The following EFNB2 variants were observed in gnomAD, a reference collection of about 807,000 sequenced individuals.
EFNB2 encodes the protein ephrin B2.
A neutral mutation model predicts 32.1 loss-of-function variants in EFNB2; 5 were observed. The observed-to-expected ratio is 0.16, with a 90% CI of 0.08 to 0.33. The LOEUF is 0.33. Among genes scored for constraint, EFNB2 ranks in the 10% least tolerant of loss-of-function variants. EFNB2 has a pLI of 1.00. For missense variants in EFNB2, 263 were observed against 422.6 expected, an observed-to-expected ratio of 0.62 and a Z score of 3.31; for synonymous variants, 168 against 166.5, an observed-to-expected ratio of 1.01 and a Z score of -0.07.
intron 1 of EFNB2, among the ~76,000 whole-genome samples, chr13:106,515,500 T>C (rs10508175): frequency 0.012 from 1,895 of 152,294 alleles, 13 homozygotes; most frequent in Non-Finnish European, 0.015. Context: ...AAAGCATTAA[T>C]TCACCTTTCA....
In EFNB2 at chr13:106,491,126, C is replaced by T. The variant is rs1044879935; in HGVS notation, c.*1914G>A. 13 of 152,570 alleles carry T rather than the reference C, an allele frequency of 8.5e-5. No homozygotes were observed. The highest frequency in any genetic ancestry group is 3.1e-4 in the African/African-American group (13 of 41,426). 9.5% of individuals were successfully genotyped at this position (152,570 alleles called of 1,614,324 possible). A position where few individuals can be genotyped will look rare whatever the true frequency, so the allele number is the denominator to read the frequency against. ...CCACAGCTAAATCGTCACCTGAAGC[C>T]CCCAGTGTGACCTGCTGGATTCTAG... On this transcript the variant is annotated 3_prime_UTR_variant, in exon 5 of 5. Transcript: ENST00000646441.
At chr13:106,532,429 G>T (rs923254783) in intron 1 of EFNB2, among the ~76,000 whole-genome samples, 2 of 152,164 alleles carry the variant, frequency 1.3e-5, no homozygotes, top group African/African-American at 4.8e-5. Flanking sequence ...AAACTTCAAT[G>T]CATTTGATTA....
chr13:106,499,321 C>A (rs1168356634), intron 2 of EFNB2, among the ~76,000 whole-genome samples: 1 of 151,854 alleles, frequency 6.6e-6, no homozygotes, highest in East Asian at 1.9e-4. Context: ...TGGCAGCGAA[C>A]TCTGAAATAA....
At chr13:106,504,985 A>T (rs879897368) in intron 2 of EFNB2, among the ~76,000 whole-genome samples, 1 of 152,188 alleles carries the variant, frequency 6.6e-6, no homozygotes, top group Admixed American at 6.5e-5. Context: ...GAAAAAGAAA[A>T]TTCATAAGAG....
chr13:106,523,012 C>T (rs1471559592), intron 1 of EFNB2, among the ~76,000 whole-genome samples: 1 of 152,192 alleles, frequency 6.6e-6, no homozygotes, highest in African/African-American at 2.4e-5. Context: ...AGCCCAGTAA[C>T]ACAGTTTACA....
In EFNB2 at chr13:106,493,318, T is replaced by A; in HGVS notation, c.724A>T (p.Ile242Phe). The part of the protein sequence containing the change: ...ASGCIIFIVI[I>F]ITLVVLLLKY... ...AGCAAGAGGACCACCAGCGTGATGA[T>A]GATGACGATGAAGATGATGCATCCT... is the stretch of plus-strand genomic sequence containing the variant. The change falls in exon 5 of 5, where the codon ATC (isoleucine) becomes TTC (phenylalanine). Residue 242 changes from isoleucine to phenylalanine, a missense_variant. Ile to Phe is a conservative substitution (Grantham distance 21). This residue lies in a region of EFNB2 where 172 missense variants were observed against 237.1 expected (regional missense o/e 0.73). Coordinates refer to ENST00000646441, the MANE Select transcript of EFNB2 (RefSeq NM_004093.4). This position sits in a 1 kb window ranked among gnomAD's most constrained non-coding sequence, Gnocchi z 6.1. 1.2e-6 allele frequency: 2 copies of A among 1,614,156 alleles called. No individual in the cohort carries two copies. The highest frequency in any genetic ancestry group is 1.7e-6 in the Non-Finnish European group (2 of 1,180,040).
intron 2 of EFNB2, among the ~76,000 whole-genome samples, chr13:106,497,544 A>T (rs1175816406): frequency 1.3e-5 from 2 of 151,678 alleles, no homozygotes; most frequent in East Asian, 1.9e-4. Flanking sequence ...GGCTATTAAA[A>T]TTTTTTTTTA....
Position 106,495,732 on chromosome 13 carries a change from A to C in EFNB2, c.499+16T>G. The C allele has an allele frequency of 6.2e-7, 1 of 1,612,680 alleles. No individual in the cohort carries two copies. On this transcript the variant is annotated intron_variant, in intron 3 of 4. Transcript: ENST00000646441. ...CCAGGTCACAGTGGCGTCATGAAGC[A>C]GCAGATGGTCTTTACCTTGTCCAAC...
At position 106,490,810 on chromosome 13, in the gene EFNB2, C is replaced by T. The variant is rs1195528912; in HGVS notation, c.*2230G>A. 6.6e-6 allele frequency: 1 copy of T among 152,444 alleles called. No homozygotes were observed. The highest frequency in any genetic ancestry group is 1.5e-5 in the Non-Finnish European group (1 of 68,022). The allele number at this position is 152,444 out of a possible 1,614,324, so 9.4% of individuals were successfully genotyped here. A position where few individuals can be genotyped will look rare whatever the true frequency, so the allele number is the denominator to read the frequency against. On this transcript the variant is annotated 3_prime_UTR_variant, in exon 5 of 5. Transcript: ENST00000646441. ...TGTACACATGTATACCACGCACCCACTCACACATACACACACGCACTTTGG... is the reference window on the plus strand; with the variant it reads ...TGTACACATGTATACCACGCACCCATTCACACATACACACACGCACTTTGG...
chr13:106,517,467 G>A (rs1272391603), intron 1 of EFNB2: 1 of 152,058 alleles, frequency 6.6e-6, no homozygotes, highest in Non-Finnish European at 1.5e-5. Flanking sequence ...AGAGAACTGA[G>A]CCAGACCAGT....
chr13:106,510,282 C>T (rs1879096893), intron 2 of EFNB2: 2 of 152,180 alleles, frequency 1.3e-5, no homozygotes, highest in African/African-American at 4.8e-5. Flanking sequence ...ACAAATCTCT[C>T]ATGTATTAAT....
At chr13:106,522,837 T>A (rs1419412051) in intron 1 of EFNB2, among the ~76,000 whole-genome samples, 2 of 152,192 alleles carry the variant, frequency 1.3e-5, no homozygotes, top group African/African-American at 2.4e-5. Flanking sequence ...TCGTTTACCA[T>A]GGGACCCTCC....
chr13:106,510,718 A>T (rs1055475090), intron 2 of EFNB2, among the ~76,000 whole-genome samples: 1 of 152,230 alleles, frequency 6.6e-6, no homozygotes, highest in Non-Finnish European at 1.5e-5. Context: ...TCTTACTTTA[A>T]AAGTCTTTAC....
At chr13:106,527,526 A>G (rs1285176402) in intron 1 of EFNB2, among the ~76,000 whole-genome samples, 1 of 152,180 alleles carries the variant, frequency 6.6e-6, no homozygotes, top group African/African-American at 2.4e-5. Flanking sequence ...TTCCCTTGCT[A>G]TGTTTTCTTA....
chr13:106,501,011 A>G (rs1016761652), intron 2 of EFNB2, among the ~76,000 whole-genome samples: 3 of 152,364 alleles, frequency 2.0e-5, no homozygotes, highest in Non-Finnish European at 4.4e-5. Context: ...TTGAAAAATA[A>G]GAAGGCTGAT....
At position 106,490,613 on chromosome 13, in the gene EFNB2, A is replaced by G. The variant is rs1267600767; in HGVS notation, c.*2427T>C. ...CCTTCTCGCCCCTCTCCCCCATCCT[A>G]AAAGTAACTTCTGATGGCTTACAAG... On this transcript the variant is annotated 3_prime_UTR_variant, in exon 5 of 5. Coordinates refer to ENST00000646441, the MANE Select transcript of EFNB2 (RefSeq NM_004093.4). 6.6e-6 allele frequency: 1 copy of G among 152,030 alleles called. No homozygotes were observed. Among genetic ancestry groups the G allele is most frequent in the African/African-American group, 2.4e-5 (1 of 41,374 alleles). The allele number at this position is 152,030 out of a possible 1,614,324, so 9.4% of individuals were successfully genotyped here.
chr13:106,499,974 AAACCAC>A (rs2138905397), intron 2 of EFNB2, among the ~76,000 whole-genome samples: 1 of 152,332 alleles, frequency 6.6e-6, no homozygotes, highest in African/African-American at 2.4e-5. Flanking sequence ...AGCACATCTG[AAACCAC>A]ACAGCTGCCA....
chr13:106,521,524 G>A (rs1245643920), intron 1 of EFNB2: 3 of 152,344 alleles, frequency 2.0e-5, no homozygotes, highest in South Asian at 4.1e-4. Context: ...ACAGCTGCGT[G>A]TGATGCTGTG....
At position 106,493,214 on chromosome 13, in the gene EFNB2, C is replaced by T. The variant is rs1198679506; in HGVS notation, c.828G>A (p.Lys276=). The T allele has an allele frequency of 5.6e-6, 9 of 1,614,092 alleles. No individual in the cohort carries two copies. The highest frequency in any genetic ancestry group is 7.6e-6 in the Non-Finnish European group (9 of 1,180,048). ...TLSLSTLATP[K]RSGNNNGSEP... Reference sequence around the variant, plus strand: ...CTGAGCCGTTGTTGTTGCCGCTGCGCTTGGGTGTGGCCAGTGTGCTGAGCG... The same window carrying T: ...CTGAGCCGTTGTTGTTGCCGCTGCGTTTGGGTGTGGCCAGTGTGCTGAGCG... Residue 276 remains lysine (K), a synonymous_variant, in exon 5 of 5, where the codon AAG becomes AAA. Transcript: ENST00000646441. The surrounding 1 kb of genome is among the most constrained non-coding windows in gnomAD (Gnocchi z 6.1).
Sources: allele counts gnomAD v4.1 joint callset (sites outside exome capture counted in the v4.1 genomes callset), GRCh38; gene constraint gnomAD v4.1.1; regional missense constraint gnomAD v4.1.1; non-coding constraint Gnocchi (gnomAD v3.1); transcripts MANE v1.5; gene names NCBI Gene and HGNC (gene_info 2026-07-23, HGNC 2026-07-21).